The following MIDEAS variants were observed in gnomAD, a reference collection of about 807,000 sequenced individuals.
The protein encoded by MIDEAS is mitotic deacetylase-associated SANT domain protein.
Under a neutral mutation model 102.7 loss-of-function variants are expected in MIDEAS, and 26 were observed. The observed-to-expected ratio is 0.25, with a 90% CI of 0.19 to 0.35. The LOEUF is 0.35. MIDEAS is among the 10% of genes least tolerant of loss of function. The pLI is 1.00. For synonymous variants in MIDEAS, 585 were observed against 591.0 expected, an observed-to-expected ratio of 0.99 and a Z score of 0.15; for missense variants, 1,231 against 1,435.6, an observed-to-expected ratio of 0.86 and a Z score of 2.30.
intron 1 of MIDEAS, among the ~76,000 whole-genome samples, chr14:73,775,889 C>G (rs908774530): frequency 2.0e-5 from 3 of 151,852 alleles, no homozygotes; most frequent in African/African-American, 7.2e-5. Flanking sequence ...CAGCCCCAGG[C>G]AAACAAAGCT....
Position 73,717,386 on chromosome 14 carries a change from A to T in MIDEAS, c.*1457T>A, listed in dbSNP as rs1181742171. The stretch of plus-strand genomic sequence containing the variant: ...CACCCATGCCAAATATGGCTTCTTC[A>T]AGCCAGAATCCAGGCCCCATAAACC... On this transcript the variant is annotated 3_prime_UTR_variant, in exon 13 of 13. Coordinates refer to ENST00000423556, the MANE Select transcript of MIDEAS (RefSeq NM_001367710.1). 1 of 152,206 alleles carries T rather than the reference A, an allele frequency of 6.6e-6. No individual in the cohort carries two copies. The highest frequency in any genetic ancestry group is 1.5e-5 in the Non-Finnish European group (1 of 68,032). 9.4% of individuals were successfully genotyped at this position (152,206 alleles called of 1,614,324 possible). A position where few individuals can be genotyped will look rare whatever the true frequency, so the allele number is the denominator to read the frequency against.
Position 73,739,877 on chromosome 14 carries a change from C to G in MIDEAS, c.132G>C (p.Glu44Asp). The G allele has an allele frequency of 6.3e-7, 1 of 1,582,694 alleles. No individual in the cohort carries two copies. The highest frequency in any genetic ancestry group is 8.6e-7 in the Non-Finnish European group (1 of 1,161,800). Residue 44 changes from glutamate (E) to aspartate (D), a missense_variant, in exon 2 of 13, where the codon GAG (glutamate) becomes GAC (aspartate). Physicochemically the swap from Glu to Asp is conservative, Grantham distance 45. Coordinates refer to ENST00000423556, the MANE Select transcript of MIDEAS (RefSeq NM_001367710.1). Reference protein sequence around the residue: ...PPQQSIRVKEEQYLGHEGPGG... With the variant: ...PPQQSIRVKEDQYLGHEGPGG... ...CTGGACCCTCGTGCCCGAGGTACTG[C>G]TCCTCCTTCACTCTGATGGACTGCT...
chr14:73,723,739 C>G (rs2053026776), intron 9 of MIDEAS: 1 of 152,216 alleles, frequency 6.6e-6, no homozygotes, highest in South Asian at 2.1e-4. Flanking sequence ...CCATTTTCCT[C>G]TAAGTTTGAA....
chr14:73,752,013 T>A (rs1330228922), intron 1 of MIDEAS, among the ~76,000 whole-genome samples: 2 of 152,120 alleles, frequency 1.3e-5, no homozygotes, highest in Non-Finnish European at 2.9e-5. Flanking sequence ...TCAAATCAGG[T>A]CTCTGCTTGG....
At chr14:73,767,253 C>T (rs1031533475) in intron 1 of MIDEAS, among the ~76,000 whole-genome samples, 45 of 152,176 alleles carry the variant, frequency 3.0e-4, no homozygotes, top group Non-Finnish European at 1.3e-4. Context: ...ACTATTGAGG[C>T]TCAGTCTCCT....
intron 1 of MIDEAS, among the ~76,000 whole-genome samples, chr14:73,780,714 G>A (rs1385311757): frequency 2.0e-5 from 3 of 152,174 alleles, no homozygotes; most frequent in South Asian, 2.1e-4. Flanking sequence ...CTTGGGAACT[G>A]GGAGCATTCC....
Position 73,725,544 on chromosome 14 carries a change from A to G in MIDEAS, c.2486-184T>C, listed in dbSNP as rs11627457. On this transcript the variant is annotated intron_variant, in intron 8 of 12. Coordinates refer to ENST00000423556, the MANE Select transcript of MIDEAS (RefSeq NM_001367710.1). The surrounding 1 kb of genome is among the most constrained non-coding windows in gnomAD (Gnocchi z 4.1). Reference sequence around the variant, plus strand: ...TCCCTTGCTTGTGAAATGGAAACTAATATCACCTAGCTCACCAGCTGTGGT... The same window carrying G: ...TCCCTTGCTTGTGAAATGGAAACTAGTATCACCTAGCTCACCAGCTGTGGT... Among the ~76,000 whole-genome samples, 23 of 152,128 alleles carry G rather than the reference A, an allele frequency of 1.5e-4. 1 individual carries two copies. The highest frequency in any genetic ancestry group is 4.1e-4 in the South Asian group (2 of 4,832).
intron 7 of MIDEAS, 67 bp downstream of exon 7, chr14:73,726,537 G>T: frequency 6.8e-7 from 1 of 1,467,574 alleles, no homozygotes; most frequent in Non-Finnish European, 9.5e-7. Flanking sequence ...TAGGTCCTGA[G>T]CAGCAGACAT....
At chr14:73,752,945 C>A (rs999191211) in intron 1 of MIDEAS, among the ~76,000 whole-genome samples, 1 of 152,164 alleles carries the variant, frequency 6.6e-6, no homozygotes. Context: ...GAATGATGGG[C>A]CCCAGGTCAG....
chr14:73,783,025 A>G lies in MIDEAS; in HGVS notation c.-248+4077T>C, dbSNP rs1480327909. Among the ~76,000 whole-genome samples the G allele has an allele frequency of 1.5e-4, 23 of 152,114 alleles. 1 individual carries two copies. The highest frequency in any genetic ancestry group is 1.5e-5 in the Non-Finnish European group (1 of 68,024). ...TCAGCATCACAAAACATTTATTGAG[A>G]CTTGCTATGAGTGGGGCACCAGACC... On this transcript the variant is annotated intron_variant, in intron 1 of 11. Coordinates refer to the MIDEAS transcript ENST00000394071.
At chr14:73,754,637 C>T (rs2053458974) in intron 1 of MIDEAS, among the ~76,000 whole-genome samples, 1 of 152,136 alleles carries the variant, frequency 6.6e-6, no homozygotes, top group Admixed American at 6.5e-5. Flanking sequence ...CTAGATGTCC[C>T]AAATGGTTTC....
In MIDEAS at chr14:73,718,132, G is replaced by A. The variant is rs1273060885; in HGVS notation, c.*711C>T. On this transcript the variant is annotated 3_prime_UTR_variant, in exon 13 of 13. Coordinates refer to ENST00000423556, the MANE Select transcript of MIDEAS (RefSeq NM_001367710.1). The stretch of plus-strand genomic sequence containing the variant: ...TCCCTGCAGCAGGATGAGTGCTTTG[G>A]ACAAGAACGCTAGCCCCTCCCCCAA... The A allele has an allele frequency of 1.3e-5, 2 of 152,524 alleles. No homozygotes were observed. The highest frequency in any genetic ancestry group is 2.9e-5 in the Non-Finnish European group (2 of 68,288). 9.4% of individuals were successfully genotyped at this position (152,524 alleles called of 1,614,324 possible). A position where few individuals can be genotyped will look rare whatever the true frequency, so the allele number is the denominator to read the frequency against.
upstream of MIDEAS, among the ~76,000 whole-genome samples, chr14:73,788,516 G>C (rs1350191426): frequency 6.6e-6 from 1 of 152,208 alleles, no homozygotes; most frequent in African/African-American, 2.4e-5. Flanking sequence ...AAAGATAGGC[G>C]TATGAAGATC....
Position 73,715,158 on chromosome 14 carries a change from G to C in MIDEAS, c.*3685C>G, listed in dbSNP as rs1217890549. On this transcript the variant is annotated 3_prime_UTR_variant, in exon 13 of 13. Coordinates refer to ENST00000423556, the MANE Select transcript of MIDEAS (RefSeq NM_001367710.1). Reference sequence around the variant, plus strand: ...AACCTTATTTAATAAAAGGTTTAAAGATACAGAAGAACATTCAAAAGTAAA... The same window carrying C: ...AACCTTATTTAATAAAAGGTTTAAACATACAGAAGAACATTCAAAAGTAAA... The C allele has an allele frequency of 2.0e-5, 3 of 152,572 alleles. No individual in the cohort carries two copies. Among genetic ancestry groups the C allele is most frequent in the Non-Finnish European group, 4.4e-5 (3 of 68,024 alleles). 9.5% of individuals were successfully genotyped at this position (152,572 alleles called of 1,614,324 possible).
intron 1 of MIDEAS, among the ~76,000 whole-genome samples, chr14:73,775,619 C>T (rs1595299469): frequency 1.3e-5 from 2 of 152,060 alleles, no homozygotes; most frequent in East Asian, 3.9e-4. Flanking sequence ...AGCAGCTTCC[C>T]GCTTTCCCAG....
upstream of MIDEAS, among the ~76,000 whole-genome samples, chr14:73,763,349 A>G (rs2053568620): frequency 6.6e-6 from 1 of 152,178 alleles, no homozygotes; most frequent in Non-Finnish European, 1.5e-5. Flanking sequence ...AGAAAAAAGA[A>G]AATCTTCCAA....
At chr14:73,754,819 A>G (rs1296645429) in intron 1 of MIDEAS, 3 of 152,224 alleles carry the variant, frequency 2.0e-5, no homozygotes, top group Non-Finnish European at 4.4e-5. Context: ...TACTAAAGAA[A>G]TGGCAAGTTC....
At chr14:73,731,365 G>A (rs2053136928) in intron 3 of MIDEAS, among the ~76,000 whole-genome samples, 1 of 152,168 alleles carries the variant, frequency 6.6e-6, no homozygotes, top group African/African-American at 2.4e-5. Flanking sequence ...CTCCCTCTGA[G>A]GCTCTGGCCA....
chr14:73,722,612 G>A, intron 10 of MIDEAS, 86 bp downstream of exon 10: 2 of 1,523,860 alleles, frequency 1.3e-6, no homozygotes, highest in South Asian at 2.5e-5. Context: ...GCAGGCTCCT[G>A]GAGAGCTCGG....
Sources: gnomAD v4.1 joint callset for allele counts (sites outside exome capture counted in the v4.1 genomes callset) on GRCh38, gnomAD v4.1.1 for gene constraint, Gnocchi (gnomAD v3.1) non-coding constraint, MANE v1.5 for transcripts, NCBI Gene and HGNC (gene_info 2026-07-23, HGNC 2026-07-21) for gene names.